Variants in CDH8 observed in about 807,000 individuals in gnomAD.
The protein encoded by CDH8 is cadherin 8, also known as cadherin-8.
In CDH8, 17 loss-of-function variants were observed where a neutral mutation model predicts 68.1. That is an observed-to-expected ratio of 0.25 (90% CI 0.17 to 0.37). The LOEUF (loss-of-function observed/expected upper bound fraction) is 0.37, where lower values mean the gene tolerates loss of function less well. CDH8 is among the 10% of genes least tolerant of loss of function. The pLI is 1.00. For missense variants in CDH8, 763 were observed against 999.3 expected (o/e 0.76, Z 3.19); for synonymous variants, 372 against 365.1 (o/e 1.02, Z -0.21).
At chr16:62,023,342 C>T (rs989033669) in intron 1 of CDH8, among the ~76,000 whole-genome samples, 1 of 152,008 alleles carries the variant, frequency 6.6e-6, no homozygotes, top group African/African-American at 2.4e-5. Context: ...AACAGATACA[C>T]CTGGGTTTGG....
chr16:61,953,926 T>TATATATATATATATATATATATAA (rs1366207636), intron 2 of CDH8, among the ~76,000 whole-genome samples: 1 of 118,982 alleles, frequency 8.4e-6, no homozygotes, highest in African/African-American at 3.2e-5. Flanking sequence ...TATATATATA[T>TATATATATATATATATATATATAA]AAAATACCTT....
At position 61,881,833 on chromosome 16, in the gene CDH8, C is replaced by G. The variant is rs1963583893; in HGVS notation, c.547+19346G>C. The stretch of plus-strand genomic sequence containing the variant: ...ACCCCTTCTGGCTTCAAAGCCGGAG[C>G]TTTTAACTTTGAACGCTTCAAGGAA... On this transcript the variant is annotated intron_variant, in intron 3 of 11. Transcript: ENST00000577390. 2.0e-5 allele frequency among the ~76,000 whole-genome samples: 3 copies of G among 152,146 alleles called. No individual in the cohort carries two copies. The South Asian group carries it at 6.2e-4, about 32-fold the overall frequency.
intron 4 of CDH8, among the ~76,000 whole-genome samples, chr16:61,851,775 T>C (rs992791757): frequency 6.6e-6 from 1 of 152,074 alleles, no homozygotes; most frequent in Non-Finnish European, 1.5e-5. Flanking sequence ...CCTTCCATTT[T>C]CTCTGATGCT....
intron 2 of CDH8, among the ~76,000 whole-genome samples, chr16:62,016,257 G>A (rs570739127): frequency 1.3e-5 from 2 of 152,240 alleles, no homozygotes; most frequent in South Asian, 2.1e-4. Context: ...GTGATTATCC[G>A]TTTTAATGTC....
intron 2 of CDH8, chr16:61,918,698 C>G (rs1372843944): frequency 6.3e-6 from 1 of 157,578 alleles, no homozygotes; most frequent in Non-Finnish European, 1.4e-5. Flanking sequence ...GCTAGCACAG[C>G]AGTCTGAGAT....
intron 2 of CDH8, among the ~76,000 whole-genome samples, chr16:62,000,047 T>A (rs1159787208): frequency 6.6e-6 from 1 of 152,086 alleles, no homozygotes; most frequent in African/African-American, 2.4e-5. Flanking sequence ...CACTTATAAG[T>A]GAAAACATGT....
At chr16:61,794,681 A>G (rs1008057668) in intron 7 of CDH8, among the ~76,000 whole-genome samples, 2 of 152,046 alleles carry the variant, frequency 1.3e-5, no homozygotes, top group East Asian at 3.9e-4. Flanking sequence ...AATTTGGTTT[A>G]AGTGATGAAA....
chr16:61,871,963 G>A (rs1427121149), intron 3 of CDH8, among the ~76,000 whole-genome samples: 1 of 151,988 alleles, frequency 6.6e-6, no homozygotes, highest in African/African-American at 2.4e-5. Context: ...TCCATCCGGT[G>A]TGAGAAGAAC....
chr16:61,961,287 C>A (rs887214634), intron 2 of CDH8, among the ~76,000 whole-genome samples: 1 of 151,988 alleles, frequency 6.6e-6, no homozygotes, highest in Admixed American at 6.6e-5. Flanking sequence ...TGCTCTCCAG[C>A]CTGGGCAACA....
chr16:61,841,912 G>T (rs1315542999), intron 4 of CDH8, among the ~76,000 whole-genome samples: 1 of 152,192 alleles, frequency 6.6e-6, no homozygotes, highest in Admixed American at 6.5e-5. Context: ...CTTGGAGACG[G>T]AGTCTTGCTC....
chr16:61,712,514 T>C (rs983554901), intron 10 of CDH8, among the ~76,000 whole-genome samples: 2 of 151,748 alleles, frequency 1.3e-5, no homozygotes, highest in African/African-American at 4.8e-5. Context: ...ACCACACTTA[T>C]GCACAGACTT....
intron 7 of CDH8, among the ~76,000 whole-genome samples, chr16:61,801,005 G>C (rs1961611715): frequency 6.6e-6 from 1 of 151,904 alleles, no homozygotes; most frequent in African/African-American, 2.4e-5. Context: ...AATAATGTTA[G>C]ATATCATGGC....
At chr16:61,875,716 G>A (rs529727387) in intron 3 of CDH8, among the ~76,000 whole-genome samples, 5 of 152,206 alleles carry the variant, frequency 3.3e-5, no homozygotes, top group South Asian at 2.1e-4. Flanking sequence ...GTACATCCAC[G>A]TATGCATTTT....
rs542928846 is a variant in CDH8 at position 61,665,237 on chromosome 16, G to T, written c.1655-9516C>A. Among the ~76,000 whole-genome samples, 11 of 151,956 alleles carry T rather than the reference G, an allele frequency of 7.2e-5. No individual in the cohort carries two copies. In the East Asian group the frequency reaches 2.1e-3, roughly 30 times the overall value. On this transcript the variant is annotated intron_variant, in intron 10 of 11. Coordinates refer to ENST00000577390, the MANE Select transcript of CDH8 (RefSeq NM_001796.5). ...CTCAGCCACATACAAGCAAAGAGAA[G>T]ATCCCTCAGAATGAAAACTACCTTG...
intron 10 of CDH8, among the ~76,000 whole-genome samples, chr16:61,697,562 C>G (rs143242708): frequency 0.013 from 1,953 of 151,740 alleles, 24 homozygotes; most frequent in Non-Finnish European, 0.019. Context: ...GGTGCCATCT[C>G]GGCTCACTGC....
At chr16:61,663,474 A>T (rs559554232) in intron 10 of CDH8, among the ~76,000 whole-genome samples, 2 of 151,956 alleles carry the variant, frequency 1.3e-5, no homozygotes, top group Non-Finnish European at 2.9e-5. Context: ...AATAAAATGT[A>T]TATGTTTTAT....
At chr16:61,830,869 A>C (rs942810470) in intron 4 of CDH8, among the ~76,000 whole-genome samples, 1 of 151,878 alleles carries the variant, frequency 6.6e-6, no homozygotes, top group African/African-American at 2.4e-5. Flanking sequence ...CCAGGATAAG[A>C]GTATTGAGTT....
chr16:61,679,080 G>A (rs1035453810), intron 10 of CDH8, among the ~76,000 whole-genome samples: 11 of 152,020 alleles, frequency 7.2e-5, no homozygotes, highest in Admixed American at 2.0e-4. Flanking sequence ...ATTTGCTTTG[G>A]CCAATGAAAT....
At chr16:62,014,992 G>A (rs1051673369) in intron 2 of CDH8, among the ~76,000 whole-genome samples, 4 of 151,628 alleles carry the variant, frequency 2.6e-5, no homozygotes, top group African/African-American at 4.8e-5. Context: ...GCCAAAAATC[G>A]ATGTTACATA....
Sources: allele counts gnomAD v4.1 joint callset (sites outside exome capture counted in the v4.1 genomes callset), GRCh38; gene constraint gnomAD v4.1.1; transcripts MANE v1.5; gene names NCBI Gene and HGNC (gene_info 2026-07-23, HGNC 2026-07-21).